The following TUFT1 variants were observed in gnomAD, a reference collection of about 807,000 sequenced individuals.
TUFT1 encodes the protein tuftelin 1.
TUFT1 carries 43 observed loss-of-function variants against 57.8 expected under a neutral mutation model. That is an observed-to-expected ratio of 0.74 (90% CI 0.58 to 0.96). The LOEUF (loss-of-function observed/expected upper bound fraction) is 0.96, where lower values mean the gene tolerates loss of function less well. Among genes scored for constraint, TUFT1 ranks in the 40% least tolerant of loss-of-function variants. The pLI is 0.00. For synonymous variants in TUFT1, 166 were observed against 176.7 expected (o/e 0.94, Z 0.48); for missense variants, 459 against 489.0 (o/e 0.94, Z 0.58).
chr1:151,542,299 C>A (rs11204843), intron 1 of TUFT1, among the ~76,000 whole-genome samples: 3,466 of 152,108 alleles, frequency 0.023, 128 homozygotes, highest in African/African-American at 0.08. Context: ...CAGCTCACTG[C>A]AACCTCCACC....
chr1:151,562,562 C>G, intron 2 of TUFT1, 23 bp from the exon 3 acceptor site: 115 of 1,536,484 alleles, frequency 7.5e-5, no homozygotes, highest in Middle Eastern at 2.3e-4. Context: ...CTCTCTCTCT[C>G]TCTCTCATCT....
chr1:151,540,510 G>A, intron 1 of TUFT1, 84 bp downstream of exon 1: 1 of 1,512,962 alleles, frequency 6.6e-7, no homozygotes, highest in Non-Finnish European at 9.2e-7. Flanking sequence ...CGCCGTGTTG[G>A]CTGACATCAC....
At chr1:151,558,394 TTTTC>T (rs1426478692) in intron 1 of TUFT1, among the ~76,000 whole-genome samples, 4 of 151,886 alleles carry the variant, frequency 2.6e-5, no homozygotes, top group Admixed American at 2.6e-4. Flanking sequence ...TTTCAAGACT[TTTTC>T]TTTGTCTTTA....
chr1:151,561,465 G>GCACACACACACACACACACACA (rs1186376621), intron 1 of TUFT1: 1 of 295,264 alleles, frequency 3.4e-6, no homozygotes, highest in South Asian at 1.9e-4. Flanking sequence ...AGTCATGCGC[G>GCACACACACACACACACACACA]CGCGCGCGCA....
intron 1 of TUFT1, among the ~76,000 whole-genome samples, chr1:151,556,428 C>T (rs1012787145): frequency 6.8e-6 from 1 of 147,330 alleles, no homozygotes; most frequent in African/African-American, 2.5e-5. Flanking sequence ...CAGCTCCTCT[C>T]CTCAGGGTCC....
chr1:151,571,312 T>G (rs1301084945), intron 7 of TUFT1, among the ~76,000 whole-genome samples: 1 of 152,214 alleles, frequency 6.6e-6, no homozygotes, highest in Non-Finnish European at 1.5e-5. Context: ...AGCATCTGTT[T>G]CAACTTTTGG....
At chr1:151,580,323 G>A (rs562470774) in intron 11 of TUFT1, among the ~76,000 whole-genome samples, 1 of 152,250 alleles carries the variant, frequency 6.6e-6, no homozygotes, top group East Asian at 1.9e-4. Context: ...TTATAGAATA[G>A]CGTATCAACA....
intron 1 of TUFT1, chr1:151,557,404 A>G: frequency 1.2e-6 from 1 of 848,792 alleles, no homozygotes; most frequent in Admixed American, 2.1e-5. Flanking sequence ...AAAACCTAAG[A>G]GGGGCTTTCC....
At chr1:151,573,920 A>G (rs1666354829) in intron 7 of TUFT1, among the ~76,000 whole-genome samples, 1 of 152,134 alleles carries the variant, frequency 6.6e-6, no homozygotes, top group African/African-American at 2.4e-5. Context: ...TTTGCTTTTG[A>G]ATTTGTAGGA....
rs1665911820 is a variant in TUFT1, at chr1:151,562,002, G to A, written c.61-89G>A. On this transcript the variant is annotated intron_variant, in intron 1 of 12. Transcript: ENST00000368849. ...GTGATGATAAGACCCGCTCCACAGA[G>A]CTGGCAGAAGCACCCCTGTACTGGT... The A allele has an allele frequency of 3.4e-6, 5 of 1,488,842 alleles. No homozygotes were observed. The South Asian group carries it at 5.9e-5, about 18-fold the overall frequency. 92.2% of individuals were successfully genotyped at this position (1,488,842 alleles called of 1,614,324 possible). A position where few individuals can be genotyped will look rare whatever the true frequency, so the allele number is the denominator to read the frequency against.
chr1:151,545,922 G>C (rs759925587), intron 1 of TUFT1: 2 of 521,582 alleles, frequency 3.8e-6, no homozygotes, highest in African/African-American at 3.9e-5. Flanking sequence ...TCATGACCAA[G>C]GCAGCTGGTG....
chr1:151,552,137 T>C (rs1474011084), intron 1 of TUFT1, among the ~76,000 whole-genome samples: 1 of 152,266 alleles, frequency 6.6e-6, no homozygotes, highest in Non-Finnish European at 1.5e-5. Flanking sequence ...TGGATTCTTT[T>C]GCTTAACATC....
intron 1 of TUFT1, among the ~76,000 whole-genome samples, chr1:151,549,186 C>T (rs1665434963): frequency 6.6e-6 from 1 of 152,188 alleles, no homozygotes; most frequent in South Asian, 2.1e-4. Context: ...TCTCATCTTG[C>T]CTTTTAGAGT....
At chr1:151,566,325 T>C (rs1240707385) in intron 6 of TUFT1, 97 bp downstream of exon 6, 1 of 940,618 alleles carries the variant, frequency 1.1e-6, no homozygotes, top group Admixed American at 2.1e-5. Flanking sequence ...TCTCTCTCTC[T>C]CTCATTAAAT....
chr1:151,561,664 G>T, intron 1 of TUFT1: 1 of 1,235,008 alleles, frequency 8.1e-7, no homozygotes, highest in East Asian at 5.8e-5. Context: ...TTTAGTTCAG[G>T]AAGAATATGC....
intron 1 of TUFT1, chr1:151,557,994 A>G: frequency 2.2e-6 from 1 of 460,920 alleles, no homozygotes; most frequent in Non-Finnish European, 4.1e-6. Context: ...AAACTTAAAA[A>G]AAAAAAAAGA....
At chr1:151,565,924 T>G in intron 5 of TUFT1, 2 of 421,034 alleles carry the variant, frequency 4.8e-6, no homozygotes, top group Non-Finnish European at 8.9e-6. Flanking sequence ...TGTTTCTATT[T>G]TCTCATGGAA....
chr1:151,564,627 G>T lies in TUFT1; in HGVS notation c.414+13G>T. On this transcript the variant is annotated intron_variant, in intron 5 of 12. Transcript: ENST00000368849. ...ACAGGAGATACAGGTAATAGGAAAT[G>T]GTCCATGGTTGGGTCCCCACCGAGG... 1.2e-6 allele frequency: 2 copies of T among 1,611,236 alleles called. No individual in the cohort carries two copies. Among genetic ancestry groups the T allele is most frequent in the Non-Finnish European group, 1.7e-6 (2 of 1,177,532 alleles).
intron 7 of TUFT1, among the ~76,000 whole-genome samples, chr1:151,570,456 G>A (rs1483410021): frequency 6.6e-6 from 1 of 151,876 alleles, no homozygotes; most frequent in African/African-American, 2.4e-5. Context: ...TAATTTTTGT[G>A]TTTTTAGAAG....
Sources: allele counts gnomAD v4.1 joint callset (sites outside exome capture counted in the v4.1 genomes callset), GRCh38; gene constraint gnomAD v4.1.1; transcripts MANE v1.5; gene names NCBI Gene and HGNC (gene_info 2026-07-23, HGNC 2026-07-21).